Variants in PRKN observed in about 807,000 individuals in gnomAD.
PRKN encodes the protein E3 ubiquitin-protein ligase parkin.
A neutral mutation model predicts 59.5 loss-of-function variants in PRKN; 56 were observed. That is an observed-to-expected ratio of 0.94 (90% CI 0.76 to 1.18). PRKN has a LOEUF of 1.18. Among genes scored for constraint, PRKN ranks in the 50% most tolerant of loss-of-function variants. The pLI is 0.00. For synonymous variants in PRKN, 250 were observed against 222.1 expected, an observed-to-expected ratio of 1.13 and a Z score of -1.12; for missense variants, 657 against 596.4, an observed-to-expected ratio of 1.10 and a Z score of -1.06.
chr6:161,886,224 T>C (rs1795142765), intron 6 of PRKN, among the ~76,000 whole-genome samples: 1 of 152,154 alleles, frequency 6.6e-6, no homozygotes, highest in Non-Finnish European at 1.5e-5. Flanking sequence ...GATACACAAA[T>C]AGAACATGCA....
chr6:162,650,835 T>G (rs1562469350), intron 1 of PRKN, among the ~76,000 whole-genome samples: 1 of 152,146 alleles, frequency 6.6e-6, no homozygotes, highest in African/African-American at 2.4e-5. Context: ...GAAGATGATC[T>G]ATTAATTCTG....
intron 5 of PRKN, among the ~76,000 whole-genome samples, chr6:161,974,897 G>C (rs1396430348): frequency 6.6e-6 from 1 of 152,086 alleles, no homozygotes; most frequent in Non-Finnish European, 1.5e-5. Flanking sequence ...ACTTGGCCTT[G>C]TAGCTAAAAA....
chr6:162,212,573 C>T (rs1469709264), intron 3 of PRKN, among the ~76,000 whole-genome samples: 1 of 152,180 alleles, frequency 6.6e-6, no homozygotes, highest in Admixed American at 6.5e-5. Context: ...GAGTCACAGG[C>T]CGGCATGTAT....
At position 161,420,284 on chromosome 6, in the gene PRKN, T is replaced by G. The variant is rs1788038929; in HGVS notation, c.1084-33407A>C. Among the ~76,000 whole-genome samples the G allele has an allele frequency of 3.9e-5, 6 of 151,980 alleles. No individual in the cohort carries two copies. The South Asian group carries it at 1.3e-3, about 32-fold the overall frequency. Reference sequence around the variant, plus strand: ...ACTTGATAAAGTAAAAAACCCTGATTTTTGAAATAAATTAAGAGTAATGAA... The same window carrying G: ...ACTTGATAAAGTAAAAAACCCTGATGTTTGAAATAAATTAAGAGTAATGAA... On this transcript the variant is annotated intron_variant, in intron 9 of 11. Coordinates refer to ENST00000366898, the MANE Select transcript of PRKN (RefSeq NM_004562.3).
At chr6:162,156,155 AAC>A (rs540642280) in intron 4 of PRKN, among the ~76,000 whole-genome samples, 5 of 152,194 alleles carry the variant, frequency 3.3e-5, no homozygotes, top group Admixed American at 1.3e-4. Context: ...CAAAACAACT[AAC>A]ACAGCAATAT....
chr6:161,489,906 A>G (rs950799041), intron 9 of PRKN, among the ~76,000 whole-genome samples: 5 of 152,150 alleles, frequency 3.3e-5, no homozygotes, highest in Non-Finnish European at 7.4e-5. Flanking sequence ...CAACTTCTGG[A>G]TTCATTTGAG....
intron 5 of PRKN, among the ~76,000 whole-genome samples, chr6:161,976,030 C>A (rs545031769): frequency 6.6e-6 from 1 of 152,070 alleles, no homozygotes; most frequent in Non-Finnish European, 1.5e-5. Flanking sequence ...CTTGGCTTCC[C>A]GAGTAGCTGG....
intron 2 of PRKN, among the ~76,000 whole-genome samples, chr6:162,298,214 C>A (rs1026866493): frequency 4.0e-5 from 6 of 151,836 alleles, no homozygotes; most frequent in African/African-American, 1.5e-4. Flanking sequence ...GGGCTTCCCT[C>A]CATCCTTCCT....
At chr6:162,652,040 A>G (rs1003299368) in intron 1 of PRKN, among the ~76,000 whole-genome samples, 1 of 152,146 alleles carries the variant, frequency 6.6e-6, no homozygotes, top group African/African-American at 2.4e-5. Context: ...GTTCTTTGTC[A>G]TTGAGGTAGT....
intron 6 of PRKN, among the ~76,000 whole-genome samples, chr6:161,792,291 G>A (rs34972597): frequency 0.11 from 17,117 of 152,228 alleles, 1,192 homozygotes; most frequent in South Asian, 0.22. Flanking sequence ...CAGAGGAGGA[G>A]GAGGTCATAT....
chr6:161,354,413 G>A lies in PRKN; in HGVS notation c.1286-4202C>T, dbSNP rs969126776. Among the ~76,000 whole-genome samples the A allele has an allele frequency of 2.6e-5, 4 of 152,086 alleles. No homozygotes were observed. The highest frequency in any genetic ancestry group is 1.9e-4 in the East Asian group (1 of 5,198). Reference sequence around the variant, plus strand: ...GCCGGGCAGTCGACATCGTGGCTCCGGCCAGCAATTCTTCCACTAGATTTA... The same window carrying A: ...GCCGGGCAGTCGACATCGTGGCTCCAGCCAGCAATTCTTCCACTAGATTTA... On this transcript the variant is annotated intron_variant, in intron 11 of 11. Transcript: ENST00000366898. This position sits in a 1 kb window ranked among gnomAD's most constrained non-coding sequence, Gnocchi z 6.7.
chr6:162,299,467 G>A (rs1039664773), intron 2 of PRKN, among the ~76,000 whole-genome samples: 8 of 152,020 alleles, frequency 5.3e-5, no homozygotes, highest in African/African-American at 1.9e-4. Context: ...TTTTTTCCCA[G>A]GTGCACCCAA....
At chr6:162,447,120 G>C (rs1016254289) in intron 1 of PRKN, among the ~76,000 whole-genome samples, 2 of 152,180 alleles carry the variant, frequency 1.3e-5, no homozygotes, top group South Asian at 2.1e-4. Context: ...AAAGAGACTA[G>C]TACAGGGCCT....
chr6:162,216,269 G>A (rs1051035209), intron 3 of PRKN, among the ~76,000 whole-genome samples: 1 of 151,684 alleles, frequency 6.6e-6, no homozygotes, highest in African/African-American at 2.4e-5. Flanking sequence ...GGTGGCTCAC[G>A]CCTGTAATCC....
intron 9 of PRKN, among the ~76,000 whole-genome samples, chr6:161,501,401 T>C (rs976527852): frequency 2.0e-5 from 3 of 152,244 alleles, no homozygotes; most frequent in African/African-American, 7.2e-5. Context: ...ATATGCTTTT[T>C]TGCATCTGTA....
At chr6:162,340,219 C>CT (rs1264195085) in intron 2 of PRKN, among the ~76,000 whole-genome samples, 2 of 151,874 alleles carry the variant, frequency 1.3e-5, no homozygotes, top group Admixed American at 1.3e-4. Flanking sequence ...GAAAAGCTCT[C>CT]TAATTCTATG....
intron 1 of PRKN, among the ~76,000 whole-genome samples, chr6:162,476,825 T>C (rs976696811): frequency 2.6e-5 from 4 of 152,192 alleles, no homozygotes; most frequent in African/African-American, 4.8e-5. Context: ...CCTGAACACC[T>C]AGAGTTCTCC....
chr6:161,716,269 G>A, intron 7 of PRKN: 1 of 454,618 alleles, frequency 2.2e-6, no homozygotes, highest in Non-Finnish European at 4.2e-6. Context: ...ATTCAGAAAT[G>A]AGGAGGAACT....
chr6:162,140,531 G>A (rs750397650), intron 4 of PRKN, among the ~76,000 whole-genome samples: 7 of 152,106 alleles, frequency 4.6e-5, no homozygotes, highest in East Asian at 1.9e-4. Flanking sequence ...TGGTTTAGAC[G>A]GCACCAGCTC....
Sources: allele counts gnomAD v4.1 joint callset (sites outside exome capture counted in the v4.1 genomes callset), GRCh38; gene constraint gnomAD v4.1.1; non-coding constraint Gnocchi (gnomAD v3.1); transcripts MANE v1.5; gene names NCBI Gene and HGNC (gene_info 2026-07-23, HGNC 2026-07-21).